EPSTI1: variants seen among roughly 807,000 people sequenced by gnomAD.
The protein encoded by EPSTI1 is epithelial stromal interaction 1, also known as epithelial-stromal interaction protein 1.
Under a neutral mutation model 49.9 loss-of-function variants are expected in EPSTI1, and 66 were observed. The observed-to-expected ratio is 1.32, with a 90% CI of 1.08 to 1.62. The LOEUF (loss-of-function observed/expected upper bound fraction) is 1.62. EPSTI1 is among the 40% of genes most tolerant of loss of function. The pLI is 0.00. For synonymous variants in EPSTI1, 137 were observed against 130.7 expected (o/e 1.05, Z -0.33); for missense variants, 394 against 365.5 (o/e 1.08, Z -0.64).
Position 42,964,085 on chromosome 13 carries a change from T to A in EPSTI1, c.386A>T (p.Gln129Leu). 6.2e-7 allele frequency: 1 copy of A among 1,613,558 alleles called. No homozygotes were observed. The highest frequency in any genetic ancestry group is 8.5e-7 in the Non-Finnish European group (1 of 1,179,724). The change falls in exon 4 of 11, where the codon CAA (glutamine) becomes CTA (leucine). Residue 129 changes from glutamine to leucine, a missense_variant. Physicochemically the swap from Gln to Leu is moderately radical, Grantham distance 113. Coordinates refer to ENST00000313624, the MANE Select transcript of EPSTI1 (RefSeq NM_033255.5). ...VRQKQQLQLM[Q>L]SKYKQKLKRE... ...TCTGACCTTTTGCTTGTATTTAGAT[T>A]GCATCAGCTGGAGTTGTTGTTTCTG...
chr13:42,936,246 T>C (rs1439836270), intron 6 of EPSTI1, among the ~76,000 whole-genome samples: 1 of 152,220 alleles, frequency 6.6e-6, no homozygotes, highest in Non-Finnish European at 1.5e-5. Flanking sequence ...ACATGATCAA[T>C]TTAAGAAAAC....
At chr13:42,989,225 C>G (rs1165330464) in intron 1 of EPSTI1, among the ~76,000 whole-genome samples, 1 of 151,798 alleles carries the variant, frequency 6.6e-6, no homozygotes, top group Non-Finnish European at 1.5e-5. Flanking sequence ...TTAAGGGTGA[C>G]AGCATAGTAC....
chr13:42,938,237 T>C (rs113081273), intron 6 of EPSTI1, among the ~76,000 whole-genome samples: 17 of 152,228 alleles, frequency 1.1e-4, no homozygotes, highest in African/African-American at 3.8e-4. Context: ...CTGGGAAATA[T>C]ACAAGGAGAT....
intron 10 of EPSTI1, among the ~76,000 whole-genome samples, chr13:42,890,296 CTTTTTTTT>C (rs71202241): frequency 1.7e-5 from 2 of 116,306 alleles, no homozygotes; most frequent in African/African-American, 3.1e-5. Context: ...TTTTTCTTTT[CTTTTTTTT>C]TTTTTTTTTT....
chr13:42,922,575 C>T lies in EPSTI1; in HGVS notation c.657+3761G>A, dbSNP rs74061049. Among the ~76,000 whole-genome samples, 1,158 of 152,232 alleles carry T rather than the reference C, an allele frequency of 7.6e-3. 18 individuals are homozygous for T. The highest frequency in any genetic ancestry group is 0.026 in the African/African-American group (1,090 of 41,524). On this transcript the variant is annotated intron_variant, in intron 7 of 10. Coordinates refer to ENST00000313624, the MANE Select transcript of EPSTI1 (RefSeq NM_033255.5). This position sits in a 1 kb window ranked among gnomAD's most constrained non-coding sequence, Gnocchi z 4.8. ...TTTTAAAACCCATTTTTATTGCTGACCTCCAGAAGTGTTAAGAGAATAAAT... is the reference window on the plus strand; with the variant it reads ...TTTTAAAACCCATTTTTATTGCTGATCTCCAGAAGTGTTAAGAGAATAAAT...
chr13:42,969,395 G>C (rs2039710641), intron 2 of EPSTI1: 7 of 504,420 alleles, frequency 1.4e-5, no homozygotes, highest in Non-Finnish European at 2.4e-5. Context: ...TCAGCACAGA[G>C]GGTTCGAATT....
chr13:42,977,474 G>C (rs1023627842), intron 1 of EPSTI1, among the ~76,000 whole-genome samples: 5 of 152,216 alleles, frequency 3.3e-5, no homozygotes, highest in African/African-American at 1.2e-4. Context: ...TTTCTAGAAA[G>C]CCTCCTTTAA....
intron 1 of EPSTI1, among the ~76,000 whole-genome samples, chr13:42,979,584 C>CAAAA (rs144646467): frequency 8.8e-4 from 71 of 80,886 alleles, no homozygotes; most frequent in African/African-American, 3.2e-3. Flanking sequence ...GACTCCGTCT[C>CAAAA]AAAAAAAAAA....
In EPSTI1 at chr13:42,968,937, C is replaced by G. The variant is rs140113118; in HGVS notation, c.331+157G>C. On this transcript the variant is annotated intron_variant, in intron 3 of 10. Transcript: ENST00000313624. The stretch of plus-strand genomic sequence containing the variant: ...AAAAAAAAATACACACACACACACA[C>G]ACACACACACACACACAATTAAATG... Among the ~76,000 whole-genome samples, 126 of 129,552 alleles carry G rather than the reference C, an allele frequency of 9.7e-4. 6 individuals carry two copies. The East Asian group carries it at 0.028, about 29-fold the overall frequency. The allele number at this position is 129,552 out of a possible 152,430, so 85.0% of individuals were successfully genotyped here. A position where few individuals can be genotyped will look rare whatever the true frequency, so the allele number is the denominator to read the frequency against.
intron 1 of EPSTI1, among the ~76,000 whole-genome samples, chr13:42,986,057 GC>G (rs1234037730): frequency 2.0e-5 from 3 of 152,102 alleles, no homozygotes; most frequent in Non-Finnish European, 4.4e-5. Context: ...TATAAGCCTG[GC>G]AGTCCTGCAA....
At chr13:42,975,229 A>T (rs1354477909) in intron 1 of EPSTI1, among the ~76,000 whole-genome samples, 2 of 152,228 alleles carry the variant, frequency 1.3e-5, no homozygotes, top group Admixed American at 1.3e-4. Flanking sequence ...AAGTTTGTTC[A>T]TACATAGATC....
At chr13:42,948,497 A>G (rs772044223) in intron 6 of EPSTI1, among the ~76,000 whole-genome samples, 8 of 145,902 alleles carry the variant, frequency 5.5e-5, no homozygotes, top group African/African-American at 7.7e-5. Flanking sequence ...TCGGTGAGAC[A>G]AGGTCTCGTT....
At chr13:42,948,034 C>G (rs2038971829) in intron 6 of EPSTI1, among the ~76,000 whole-genome samples, 1 of 152,238 alleles carries the variant, frequency 6.6e-6, no homozygotes. Context: ...GTCTGCAGAC[C>G]CACCTTCCAG....
At chr13:42,986,105 G>A (rs1427811129) in intron 1 of EPSTI1, among the ~76,000 whole-genome samples, 1 of 152,198 alleles carries the variant, frequency 6.6e-6, no homozygotes, top group Admixed American at 6.5e-5. Context: ...CCATTGGCTG[G>A]GATGGGTGCA....
chr13:42,917,507 C>G (rs1161376812), intron 8 of EPSTI1, 34 bp downstream of exon 8: 1 of 1,537,560 alleles, frequency 6.5e-7, no homozygotes, highest in African/African-American at 1.4e-5. Flanking sequence ...CTCAAATAAA[C>G]AGTTAGCAAT....
At chr13:42,893,276 A>G (rs557241639) in intron 10 of EPSTI1, among the ~76,000 whole-genome samples, 12 of 152,342 alleles carry the variant, frequency 7.9e-5, no homozygotes, top group African/African-American at 2.9e-4. Flanking sequence ...GAGATGGAAC[A>G]TTCAGCAATT....
At chr13:42,910,689 T>C (rs1479738806) in intron 8 of EPSTI1, among the ~76,000 whole-genome samples, 1 of 152,188 alleles carries the variant, frequency 6.6e-6, no homozygotes, top group Non-Finnish European at 1.5e-5. Context: ...TTTAGTTTTA[T>C]CAAGTTGGTT....
intron 8 of EPSTI1, among the ~76,000 whole-genome samples, chr13:42,902,307 T>C (rs184831358): frequency 6.6e-6 from 1 of 152,170 alleles, no homozygotes; most frequent in African/African-American, 2.4e-5. Flanking sequence ...AGTTTCTAAT[T>C]CATCCTCCTG....
chr13:42,990,943 T>C (rs1007373449), intron 1 of EPSTI1, among the ~76,000 whole-genome samples: 10 of 152,340 alleles, frequency 6.6e-5, no homozygotes, highest in South Asian at 4.1e-4. Context: ...GTTCATTCCA[T>C]TGGCTAGAAA....
Sources: gnomAD v4.1 joint callset for allele counts (sites outside exome capture counted in the v4.1 genomes callset) on GRCh38, gnomAD v4.1.1 for gene constraint, Gnocchi (gnomAD v3.1) non-coding constraint, MANE v1.5 for transcripts, NCBI Gene and HGNC (gene_info 2026-07-23, HGNC 2026-07-21) for gene names.